CERS4: variants seen among roughly 807,000 people sequenced by gnomAD.
CERS4 encodes ceramide synthase 4.
Under a neutral mutation model 51.8 loss-of-function variants are expected in CERS4, and 65 were observed. The observed-to-expected ratio is 1.26, with a 90% CI of 1.03 to 1.54. The LOEUF is 1.54. CERS4 is among the 40% of genes most tolerant of loss of function. The pLI is 0.00. For synonymous variants in CERS4, 228 were observed against 208.4 expected, an observed-to-expected ratio of 1.09 and a Z score of -0.81; for missense variants, 563 against 500.4, an observed-to-expected ratio of 1.13 and a Z score of -1.19.
chr19:8,240,202 C>CTGGGGAGGCAGAGG (rs927684553), intron 2 of CERS4, among the ~76,000 whole-genome samples: 5 of 152,020 alleles, frequency 3.3e-5, no homozygotes, highest in African/African-American at 1.2e-4. Context: ...ATGGATTAAG[C>CTGGGGAGGCAGAGG]TGGGGAGGCA....
At chr19:8,220,988 A>AT (rs1328059108) in intron 2 of CERS4, among the ~76,000 whole-genome samples, 3 of 151,094 alleles carry the variant, frequency 2.0e-5, no homozygotes, top group African/African-American at 7.3e-5. Context: ...TGCCTGGCTA[A>AT]TTTTTTTGTA....
chr19:8,247,298 A>C, intron 2 of CERS4, among the ~76,000 whole-genome samples: 1 of 142,200 alleles, frequency 7.0e-6, no homozygotes, highest in East Asian at 2.0e-4. Flanking sequence ...AGCCACACGG[A>C]CCTCCTCACT....
At chr19:8,253,458 T>TC (rs1230805411) in intron 3 of CERS4, among the ~76,000 whole-genome samples, 1 of 147,866 alleles carries the variant, frequency 6.8e-6, no homozygotes, top group Admixed American at 6.7e-5. Flanking sequence ...CCTTTTTTTT[T>TC]TTTTTTTTTT....
chr19:8,262,194 C>A lies in CERS4; in HGVS notation c.*85C>A. ...TGACTGGACTGGCGCCCCTGGGCCA[C>A]CTTTCTGGAGACAGGGAGGGCCCCA... On this transcript the variant is annotated 3_prime_UTR_variant, in exon 12 of 12. Transcript: ENST00000251363. 2 of 1,351,654 alleles carry A rather than the reference C, an allele frequency of 1.5e-6. No individual in the cohort carries two copies. 83.7% of individuals were successfully genotyped at this position (1,351,654 alleles called of 1,614,324 possible).
In CERS4 at chr19:8,255,600, T is replaced by TCCCCAG; in HGVS notation, c.293_298dup. 1.2e-6 allele frequency: 2 copies of TCCCCAG among 1,607,544 alleles called. No homozygotes were observed. Among genetic ancestry groups the TCCCCAG allele is most frequent in the Non-Finnish European group, 8.5e-7 (1 of 1,177,722 alleles). ...TGTGACCCTTGTCCTCATCACCCCC[T>TCCCCAG]CCCCAGCCCCAGCTGTCTCTCCTGG... On this transcript the variant is annotated splice_region_variant and splice_polypyrimidine_tract_variant and intron_variant, in intron 4 of 11. Coordinates refer to ENST00000251363, the MANE Select transcript of CERS4 (RefSeq NM_024552.3).
At chr19:8,255,235 C>T (rs1295703476) in intron 4 of CERS4, among the ~76,000 whole-genome samples, 1 of 152,148 alleles carries the variant, frequency 6.6e-6, no homozygotes, top group African/African-American at 2.4e-5. Context: ...CAATTTCCCT[C>T]TTCAGGTAGG....
Position 8,256,648 on chromosome 19 carries a change from C to T in CERS4, c.550C>T (p.Leu184Phe). 2 of 1,613,860 alleles carry T rather than the reference C, an allele frequency of 1.2e-6. No individual in the cohort carries two copies. The highest frequency in any genetic ancestry group is 2.2e-5 in the South Asian group (2 of 91,078). Residue 184 changes from leucine to phenylalanine, a missense_variant, in exon 8 of 12, where the codon CTC (leucine) becomes TTC (phenylalanine). By Grantham distance (22) the Leu-to-Phe change is conservative. Coordinates refer to ENST00000251363, the MANE Select transcript of CERS4 (RefSeq NM_024552.3). ...TLKPSLYWWY[L>F]LELGFYLSLL... is the part of the protein sequence containing the mutation. ...GAAGCCATCCCTGTACTGGTGGTACCTCTTGGAGCTGGGTTTCTACCTCTC... is the reference window on the plus strand; with the variant it reads ...GAAGCCATCCCTGTACTGGTGGTACTTCTTGGAGCTGGGTTTCTACCTCTC...
rs746017170 is a variant in CERS4 at position 8,245,902 on chromosome 19, CA to C, written c.-1-5149del. ...AACTGACAAAACTAAGCTTTGATGA[CA>C]AAAAAAAAAAAAAAAAAAAAAAAAG... On this transcript the variant is annotated intron_variant, in intron 2 of 11. Transcript: ENST00000251363. Among the ~76,000 whole-genome samples the C allele has an allele frequency of 7.1e-3, 546 of 76,904 alleles. 3 individuals are homozygous for C. The highest frequency in any genetic ancestry group is 0.027 in the African/African-American group (482 of 17,694). The allele number at this position is 76,904 out of a possible 152,430, so 50.5% of individuals were successfully genotyped here.
At chr19:8,237,002 CAAAAAAAAAA>C (rs781273995) in intron 2 of CERS4, among the ~76,000 whole-genome samples, 10 of 44,966 alleles carry the variant, frequency 2.2e-4, no homozygotes, top group Non-Finnish European at 4.1e-4. Flanking sequence ...GACTCTGTCT[CAAAAAAAAAA>C]AAAAAAAAAA....
intron 2 of CERS4, among the ~76,000 whole-genome samples, chr19:8,239,063 T>G (rs1968400657): frequency 6.6e-6 from 1 of 151,958 alleles, no homozygotes; most frequent in Non-Finnish European, 1.5e-5. Context: ...ATGGTGCCAC[T>G]GCACTCCAGT....
intron 10 of CERS4, chr19:8,261,249 G>C (rs1969685971): frequency 1.2e-5 from 2 of 166,972 alleles, no homozygotes; most frequent in South Asian, 3.2e-4. Context: ...TTAAACTCTG[G>C]GAGATGGAGC....
At chr19:8,247,927 T>G (rs111270630) in intron 2 of CERS4, among the ~76,000 whole-genome samples, 1 of 151,556 alleles carries the variant, frequency 6.6e-6, no homozygotes, top group African/African-American at 2.4e-5. Context: ...AGAGATGAGG[T>G]TTCACCATGT....
At chr19:8,224,913 A>G (rs1324786351) in intron 2 of CERS4, 1 of 152,586 alleles carries the variant, frequency 6.6e-6, no homozygotes, top group African/African-American at 2.4e-5. Context: ...ATCTTGGCCA[A>G]GAAGCCAGGG....
Position 8,254,584 on chromosome 19 carries a change from C to A in CERS4, c.259C>A (p.His87Asn). Reference protein sequence around the residue: ...QVKPNATLEKHFLTEGHRPKE... With the variant: ...QVKPNATLEKNFLTEGHRPKE... ...GAAGCCCAACGCCACGCTGGAGAAA[C>A]ACTTCCTCACGGAAGGGCACAGGCC... The change falls in exon 4 of 12, where the codon CAC becomes AAC. Residue 87 changes from histidine (H) to asparagine (N), a missense_variant. By Grantham distance (68) the His-to-Asn change is moderately conservative. Transcript: ENST00000251363. 1.2e-6 allele frequency: 2 copies of A among 1,612,232 alleles called. No individual in the cohort carries two copies. Among genetic ancestry groups the A allele is most frequent in the Non-Finnish European group, 1.7e-6 (2 of 1,179,424 alleles).
At chr19:8,256,495 G>A in intron 7 of CERS4, 123 bp from the exon 8 acceptor site, 1 of 1,039,778 alleles carries the variant, frequency 9.6e-7, no homozygotes, top group Non-Finnish European at 1.4e-6. Flanking sequence ...TCCAGGGATG[G>A]GGAGCTCACT....
chr19:8,237,585 T>G (rs1968321131), intron 2 of CERS4, among the ~76,000 whole-genome samples: 2 of 151,270 alleles, frequency 1.3e-5, no homozygotes, highest in African/African-American at 2.4e-5. Context: ...GCATGGTGGC[T>G]TATGCCTGTA....
chr19:8,236,216 T>C (rs2145226266), intron 2 of CERS4, among the ~76,000 whole-genome samples: 1 of 152,056 alleles, frequency 6.6e-6, no homozygotes, highest in East Asian at 1.9e-4. Flanking sequence ...AAAAATGCCT[T>C]CTAGTTGAAA....
chr19:8,252,379 AAG>A (rs1491382087), intron 3 of CERS4, among the ~76,000 whole-genome samples: 19 of 150,788 alleles, frequency 1.3e-4, no homozygotes, highest in African/African-American at 3.4e-4. Flanking sequence ...TAAAAAAAAA[AAG>A]AACAAAAGCC....
rs1003501963 is a variant in CERS4 at position 8,234,543 on chromosome 19, T to C, written c.-1-16533T>C. Among the ~76,000 whole-genome samples the C allele has an allele frequency of 4.0e-3, 152 of 38,098 alleles. 1 individual carries two copies. Among genetic ancestry groups the C allele is most frequent in the African/African-American group, 0.015 (148 of 10,074 alleles). 25.0% of individuals were successfully genotyped at this position (38,098 alleles called of 152,430 possible). ...CCTTCCCCTGGCACCCACCATTCTATTTTTTTTTTTTTTTTTTTTTTTTTT... is the reference window on the plus strand; with the variant it reads ...CCTTCCCCTGGCACCCACCATTCTACTTTTTTTTTTTTTTTTTTTTTTTTT... On this transcript the variant is annotated intron_variant, in intron 2 of 11. Transcript: ENST00000251363.
Sources: allele counts gnomAD v4.1 joint callset (sites outside exome capture counted in the v4.1 genomes callset), GRCh38; gene constraint gnomAD v4.1.1; transcripts MANE v1.5; gene names NCBI Gene and HGNC (gene_info 2026-07-23, HGNC 2026-07-21).